DCC: variants seen among roughly 807,000 people sequenced by gnomAD.
The protein encoded by DCC is DCC netrin 1 receptor.
In DCC, 58 loss-of-function variants were observed where a neutral mutation model predicts 172.5. That is an observed-to-expected ratio of 0.34 (90% CI 0.27 to 0.42). The LOEUF (loss-of-function observed/expected upper bound fraction) is 0.42. DCC is among the 10% of genes least tolerant of loss of function. The probability of loss-of-function intolerance (pLI) is 1.00; values close to 1 mark genes in which losing one functional copy is unlikely to be tolerated. For synonymous variants in DCC, 709 were observed against 644.5 expected, an observed-to-expected ratio of 1.10 and a Z score of -1.52; for missense variants, 1,740 against 1,791.0, an observed-to-expected ratio of 0.97 and a Z score of 0.51.
intron 1 of DCC, among the ~76,000 whole-genome samples, chr18:52,506,924 A>T (rs2144638878): frequency 6.6e-6 from 1 of 152,242 alleles, no homozygotes; most frequent in South Asian, 2.1e-4. Context: ...TGATATTTTA[A>T]ATAATCGTAT....
intron 1 of DCC, among the ~76,000 whole-genome samples, chr18:52,486,564 A>C (rs2030236250): frequency 6.6e-6 from 1 of 152,188 alleles, no homozygotes; most frequent in East Asian, 1.9e-4. Context: ...TTAATCAACA[A>C]AGATGGATAA....
At position 52,434,866 on chromosome 18, in the gene DCC, G is replaced by T. The variant is rs929132481; in HGVS notation, c.91+93988G>T. On this transcript the variant is annotated intron_variant, in intron 1 of 28. Coordinates refer to ENST00000442544, the MANE Select transcript of DCC (RefSeq NM_005215.4). ...CTGATTCTGCAGTTTCGATAACATTGTCTGTACCCCCAGACCACAGCATAT... is the reference window on the plus strand; with the variant it reads ...CTGATTCTGCAGTTTCGATAACATTTTCTGTACCCCCAGACCACAGCATAT... Among the ~76,000 whole-genome samples, 7 of 152,052 alleles carry T rather than the reference G, an allele frequency of 4.6e-5. No homozygotes were observed. The East Asian group carries it at 5.8e-4, about 13-fold the overall frequency.
intron 2 of DCC, among the ~76,000 whole-genome samples, chr18:52,889,953 T>C (rs116432210): frequency 0.02 from 3,051 of 152,182 alleles, 79 homozygotes; most frequent in African/African-American, 0.055. Context: ...GTGTTTTTAC[T>C]ATGCAAGACA....
At chr18:52,556,528 A>G (rs1403879532) in intron 1 of DCC, among the ~76,000 whole-genome samples, 1 of 152,146 alleles carries the variant, frequency 6.6e-6, no homozygotes, top group Non-Finnish European at 1.5e-5. Context: ...AAGGAGGTAG[A>G]AGAGCAGAAA....
chr18:53,057,912 T>C (rs918640568), intron 5 of DCC, among the ~76,000 whole-genome samples: 2 of 152,090 alleles, frequency 1.3e-5, no homozygotes, highest in African/African-American at 4.8e-5. Flanking sequence ...ATGTGAAAGA[T>C]AACTTATATA....
chr18:53,298,518 ACCCTGACTC>A (rs2057095483), intron 12 of DCC, among the ~76,000 whole-genome samples: 1 of 117,748 alleles, frequency 8.5e-6, no homozygotes, highest in Admixed American at 1.0e-4. Context: ...ACACAGAGAG[ACCCTGACTC>A]AAAAAAAAAA....
At chr18:52,440,497 G>T (rs1987940556) in intron 1 of DCC, among the ~76,000 whole-genome samples, 1 of 152,200 alleles carries the variant, frequency 6.6e-6, no homozygotes, top group African/African-American at 2.4e-5. Flanking sequence ...GACATTTAAT[G>T]GTGCAACTTC....
At chr18:52,481,123 T>G (rs1398254487) in intron 1 of DCC, among the ~76,000 whole-genome samples, 2 of 152,192 alleles carry the variant, frequency 1.3e-5, no homozygotes, top group Admixed American at 6.5e-5. Flanking sequence ...GCAAACATAC[T>G]TATTGAGGTT....
intron 21 of DCC, among the ~76,000 whole-genome samples, chr18:53,428,228 T>G (rs1911184823): frequency 3.5e-5 from 1 of 28,278 alleles, no homozygotes; most frequent in African/African-American, 8.0e-5. Context: ...ATAATTATAA[T>G]TATATATATA....
chr18:53,396,806 C>CA (rs1347425657), intron 17 of DCC, among the ~76,000 whole-genome samples: 3 of 151,804 alleles, frequency 2.0e-5, no homozygotes, highest in East Asian at 3.8e-4. Flanking sequence ...AAACTTATGC[C>CA]AAAAAAACCA....
At chr18:52,916,336 C>A (rs1378650334) in intron 3 of DCC, among the ~76,000 whole-genome samples, 1 of 151,934 alleles carries the variant, frequency 6.6e-6, no homozygotes, top group Non-Finnish European at 1.5e-5. Context: ...CCAGCTACTT[C>A]AAGGAAAATA....
At chr18:52,874,348 A>G (rs183261433) in intron 2 of DCC, among the ~76,000 whole-genome samples, 7 of 152,336 alleles carry the variant, frequency 4.6e-5, no homozygotes, top group African/African-American at 1.7e-4. Context: ...CGAAATGGCC[A>G]TATTTTCTGC....
intron 1 of DCC, among the ~76,000 whole-genome samples, chr18:52,685,518 C>A (rs1456651068): frequency 6.6e-6 from 1 of 152,046 alleles, no homozygotes; most frequent in Admixed American, 6.6e-5. Context: ...GGTGGTACCT[C>A]ATGGAATGAG....
chr18:52,820,444 GAAATATA>G (rs1278890655), intron 2 of DCC, among the ~76,000 whole-genome samples: 1 of 149,312 alleles, frequency 6.7e-6, no homozygotes, highest in African/African-American at 2.5e-5. Context: ...CTCCAAATGT[GAAATATA>G]AAATGTTTTT....
At chr18:52,979,947 T>TG (rs2145602290) in intron 5 of DCC, among the ~76,000 whole-genome samples, 1 of 152,302 alleles carries the variant, frequency 6.6e-6, no homozygotes, top group African/African-American at 2.4e-5. Context: ...AGCAGCCCAG[T>TG]TACTGTCAGT....
chr18:52,599,307 A>G (rs1218259508), intron 1 of DCC, among the ~76,000 whole-genome samples: 2 of 152,122 alleles, frequency 1.3e-5, no homozygotes, highest in East Asian at 3.9e-4. Context: ...CAGGGGTCGA[A>G]AAACCTTTTC....
At chr18:52,739,700 C>T (rs1461591315) in intron 1 of DCC, among the ~76,000 whole-genome samples, 1 of 152,186 alleles carries the variant, frequency 6.6e-6, no homozygotes, top group Admixed American at 6.5e-5. Flanking sequence ...TAAGGTACTA[C>T]CGGAAATCAC....
At chr18:53,090,732 A>ATAAT (rs2042994520) in intron 7 of DCC, among the ~76,000 whole-genome samples, 1 of 129,078 alleles carries the variant, frequency 7.7e-6, no homozygotes, top group South Asian at 2.4e-4. Flanking sequence ...AAAAAAAAAA[A>ATAAT]AAGAATGTAT....
At chr18:53,027,603 C>A (rs4940235) in intron 5 of DCC, among the ~76,000 whole-genome samples, 74,173 of 151,826 alleles carry the variant, frequency 0.49, 18,364 homozygotes, top group Non-Finnish European at 0.54. Flanking sequence ...TAAAACATTT[C>A]GGTATGTCCA....
Sources: allele counts gnomAD v4.1 joint callset (sites outside exome capture counted in the v4.1 genomes callset), GRCh38; gene constraint gnomAD v4.1.1; transcripts MANE v1.5; gene names NCBI Gene and HGNC (gene_info 2026-07-23, HGNC 2026-07-21).